ATP9A: variants seen among roughly 807,000 people sequenced by gnomAD.
ATP9A encodes the protein probable phospholipid-transporting ATPase IIA.
In ATP9A, 52 loss-of-function variants were observed where a neutral mutation model predicts 144.1. That is an observed-to-expected ratio of 0.36 (90% CI 0.29 to 0.45). ATP9A has a LOEUF of 0.45. ATP9A is among the 20% of genes least tolerant of loss of function. ATP9A has a pLI of 1.00. For missense variants in ATP9A, 947 were observed against 1,392.7 expected, an observed-to-expected ratio of 0.68 and a Z score of 5.09; for synonymous variants, 582 against 557.4, an observed-to-expected ratio of 1.04 and a Z score of -0.62.
intron 26 of ATP9A, among the ~76,000 whole-genome samples, chr20:51,606,566 G>A (rs1219400408): frequency 6.6e-6 from 1 of 152,164 alleles, no homozygotes; most frequent in Non-Finnish European, 1.5e-5. Context: ...GTGTGGTGGT[G>A]TACACCTGTA....
intron 8 of ATP9A, among the ~76,000 whole-genome samples, chr20:51,690,237 C>A (rs184616192): frequency 9.9e-5 from 15 of 151,142 alleles, no homozygotes; most frequent in South Asian, 4.2e-4. Context: ...TGGCTAACAC[C>A]GTGAAAACCC....
intron 17 of ATP9A, 72 bp from the exon 18 acceptor site, chr20:51,625,434 G>C (rs1207740651): frequency 1.3e-6 from 2 of 1,522,036 alleles, no homozygotes; most frequent in Non-Finnish European, 8.9e-7. Flanking sequence ...AGTGCCAAGA[G>C]TGGAAGGGCC....
chr20:51,698,123 C>T (rs2077578263), intron 4 of ATP9A, among the ~76,000 whole-genome samples: 1 of 152,204 alleles, frequency 6.6e-6, no homozygotes, highest in Admixed American at 6.5e-5. Flanking sequence ...CTCAGGATGT[C>T]CCACCTTCCC....
chr20:51,676,308 CTT>C (rs757176327), intron 9 of ATP9A, 100 bp from the exon 10 acceptor site: 1,268 of 674,968 alleles, frequency 1.9e-3, no homozygotes, highest in Middle Eastern at 3.4e-3. Flanking sequence ...AGACTGGGTT[CTT>C]TTTTTTTTTT....
intron 3 of ATP9A, among the ~76,000 whole-genome samples, chr20:51,723,597 G>A (rs1482021512): frequency 3.6e-5 from 5 of 137,586 alleles, no homozygotes; most frequent in East Asian, 2.3e-4. Flanking sequence ...ACGGAGTCTC[G>A]CTCTGTTGAC....
At chr20:51,750,601 G>A (rs912627397) in intron 1 of ATP9A, among the ~76,000 whole-genome samples, 2 of 152,118 alleles carry the variant, frequency 1.3e-5, no homozygotes, top group Non-Finnish European at 2.9e-5. Context: ...AGCCCTCAAC[G>A]CGAATGACTT....
intron 5 of ATP9A, among the ~76,000 whole-genome samples, chr20:51,696,857 T>A (rs2077572756): frequency 6.6e-6 from 1 of 152,176 alleles, no homozygotes; most frequent in Admixed American, 6.5e-5. Context: ...GAGCCACCCC[T>A]CAAAATCCAA....
Position 51,702,365 on chromosome 20 carries a change from C to CGTGTGTGTGTGTGTGT in ATP9A, c.437-4899_437-4884dup, listed in dbSNP as rs10578719. On this transcript the variant is annotated intron_variant, in intron 4 of 27. Coordinates refer to ENST00000338821, the MANE Select transcript of ATP9A (RefSeq NM_006045.3). ...CTTCATGCTTCATGGTGTGTGTGTT[C>CGTGTGTGTGTGTGTGT]GTGTGTGTGTGTGTGTGTGTGTGTG... Among the ~76,000 whole-genome samples, 20 of 130,302 alleles carry CGTGTGTGTGTGTGTGT rather than the reference C, an allele frequency of 1.5e-4. No individual in the cohort carries two copies. In the East Asian group the frequency reaches 2.4e-3, roughly 16 times the overall value. 85.5% of individuals were successfully genotyped at this position (130,302 alleles called of 152,430 possible).
rs540809303 is a variant in ATP9A at position 51,757,901 on chromosome 20, CA to C, written c.68+10400del. ...TGAGCAATAGAATGAGAGTACGTCTCAAAAAAAAAAAAAGGTTTTAAATGTA... is the reference window on the plus strand; with the variant it reads ...TGAGCAATAGAATGAGAGTACGTCTCAAAAAAAAAAAAGGTTTTAAATGTA... On this transcript the variant is annotated intron_variant, in intron 1 of 27. Coordinates refer to ENST00000338821, the MANE Select transcript of ATP9A (RefSeq NM_006045.3). Among the ~76,000 whole-genome samples the C allele has an allele frequency of 8.1e-3, 1,013 of 124,316 alleles. 12 individuals carry two copies. Among genetic ancestry groups the C allele is most frequent in the African/African-American group, 0.023 (798 of 33,986 alleles). The allele number at this position is 124,316 out of a possible 152,430, so 81.6% of individuals were successfully genotyped here. A position where few individuals can be genotyped will look rare whatever the true frequency, so the allele number is the denominator to read the frequency against.
At chr20:51,623,801 A>AAGAAAG (rs1555829563) in intron 18 of ATP9A, among the ~76,000 whole-genome samples, 24 of 133,422 alleles carry the variant, frequency 1.8e-4, no homozygotes, top group African/African-American at 6.9e-4. Context: ...AAAAAAAAAA[A>AAGAAAG]AAAGAAAGAA....
chr20:51,735,389 A>G (rs1601136406), intron 1 of ATP9A, among the ~76,000 whole-genome samples: 1 of 92,058 alleles, frequency 1.1e-5, no homozygotes, highest in South Asian at 5.6e-4. Context: ...CCTTTCAGGA[A>G]GAAGGAGTAG....
chr20:51,692,280 A>T (rs2077551741), intron 7 of ATP9A, among the ~76,000 whole-genome samples: 1 of 152,236 alleles, frequency 6.6e-6, no homozygotes, highest in Non-Finnish European at 1.5e-5. Flanking sequence ...ACAATTTTTT[A>T]AAAAGCAAAC....
intron 17 of ATP9A, 105 bp from the exon 18 acceptor site, chr20:51,625,467 G>C (rs2077244452): frequency 1.5e-6 from 2 of 1,347,860 alleles, no homozygotes; most frequent in South Asian, 3.0e-5. Flanking sequence ...CACCACACGG[G>C]GTGGGGGACC....
chr20:51,726,791 C>G (rs1362677284), intron 2 of ATP9A, among the ~76,000 whole-genome samples: 1 of 150,924 alleles, frequency 6.6e-6, no homozygotes, highest in African/African-American at 2.4e-5. Flanking sequence ...GTTGCCCAGG[C>G]TGGCCTTGAA....
intron 22 of ATP9A, 49 bp from the exon 23 acceptor site, chr20:51,613,881 C>T: frequency 6.6e-7 from 1 of 1,523,694 alleles, no homozygotes; most frequent in Non-Finnish European, 8.8e-7. Flanking sequence ...GAGGTCAGGG[C>T]AAACACATTT....
chr20:51,690,670 T>C, intron 8 of ATP9A, 69 bp downstream of exon 8: 2 of 1,330,468 alleles, frequency 1.5e-6, no homozygotes, highest in Non-Finnish European at 2.2e-6. Flanking sequence ...CTGTCAGTAC[T>C]TCTTGGCCTT....
At chr20:51,677,550 T>C (rs909243668) in intron 9 of ATP9A, among the ~76,000 whole-genome samples, 3 of 152,220 alleles carry the variant, frequency 2.0e-5, no homozygotes, top group Non-Finnish European at 4.4e-5. Context: ...TTTGTGCCTC[T>C]GGTCATACAG....
intron 12 of ATP9A, 115 bp from the exon 13 acceptor site, chr20:51,670,224 G>C (rs1300728553): frequency 2.7e-6 from 2 of 749,926 alleles, no homozygotes; most frequent in Non-Finnish European, 4.6e-6. Flanking sequence ...ACTGCAGTCA[G>C]TACTGTCCCT....
At chr20:51,678,085 G>A (rs2122797915) in intron 9 of ATP9A, among the ~76,000 whole-genome samples, 1 of 149,562 alleles carries the variant, frequency 6.7e-6, no homozygotes, top group East Asian at 2.0e-4. Context: ...AGTGGCGCTA[G>A]GCTGAAAGTC....
Sources: allele counts gnomAD v4.1 joint callset (sites outside exome capture counted in the v4.1 genomes callset), GRCh38; gene constraint gnomAD v4.1.1; transcripts MANE v1.5; gene names NCBI Gene and HGNC (gene_info 2026-07-23, HGNC 2026-07-21).